Variants in GLIS3 observed in about 807,000 individuals in gnomAD.
GLIS3 encodes the protein GLIS family zinc finger 3.
In GLIS3, 53 loss-of-function variants were observed where a neutral mutation model predicts 78.6. The observed-to-expected ratio is 0.67, with a 90% CI of 0.54 to 0.85. GLIS3 has a LOEUF of 0.85. GLIS3 is among the 40% of genes least tolerant of loss of function. The probability of loss-of-function intolerance (pLI) is 0.00; values close to 1 mark genes in which losing one functional copy is unlikely to be tolerated. For missense variants in GLIS3, 1,703 were observed against 1,231.1 expected (o/e 1.38, Z -5.74); for synonymous variants, 684 against 509.9 (o/e 1.34, Z -4.60).
chr9:4,215,791 G>A (rs56937771), intron 2 of GLIS3, among the ~76,000 whole-genome samples: 2,515 of 152,226 alleles, frequency 0.017, 58 homozygotes, highest in African/African-American at 0.056. Context: ...AGCTTTCAAT[G>A]TTTGTCTTCT....
the GLIS3 span, among the ~76,000 whole-genome samples, chr9:4,368,587 G>A: frequency 1.3e-5 from 2 of 152,134 alleles, no homozygotes; most frequent in Non-Finnish European, 1.5e-5. Flanking sequence ...TCCTGACCTC[G>A]TGATCCACCC....
At chr9:4,425,066 G>C in the GLIS3 span, among the ~76,000 whole-genome samples, 9 of 152,056 alleles carry the variant, frequency 5.9e-5, no homozygotes, top group African/African-American at 2.2e-4. Flanking sequence ...TGGAAGCTGA[G>C]GAGTCATCCT....
chr9:4,457,360 C>CAAAAAAAAAAAAAAAAAAAAAA, the GLIS3 span, among the ~76,000 whole-genome samples: 3 of 125,698 alleles, frequency 2.4e-5, no homozygotes, highest in African/African-American at 9.0e-5. Context: ...GACCTTGTCT[C>CAAAAAAAAAAAAAAAAAAAAAA]AAAAAAAAAA....
chr9:4,331,116 T>C (rs571875548), intron 2 of GLIS3, among the ~76,000 whole-genome samples: 170 of 105,494 alleles, frequency 1.6e-3, no homozygotes, highest in Non-Finnish European at 2.8e-3. Context: ...ATGTATTCTG[T>C]TACAGTTCTA....
chr9:4,173,017 A>AT (rs988625456), intron 2 of GLIS3, among the ~76,000 whole-genome samples: 5 of 152,058 alleles, frequency 3.3e-5, no homozygotes, highest in African/African-American at 9.7e-5. Context: ...GTATTTATTT[A>AT]TTTTTTTAAC....
In GLIS3 at chr9:4,036,615, G is replaced by T. The variant is rs1217345897; in HGVS notation, c.1710+81153C>A. 2.0e-5 allele frequency among the ~76,000 whole-genome samples: 3 copies of T among 152,194 alleles called. No individual in the cohort carries two copies. In the East Asian group the frequency reaches 5.8e-4, roughly 29 times the overall value. ...CTAGAGGAAAAACAGAGAGGCTACT[G>T]TGAAGACCTGCAGCCTTAAGCCCTG... On this transcript the variant is annotated intron_variant, in intron 4 of 10. Transcript: ENST00000381971.
intron 2 of GLIS3, among the ~76,000 whole-genome samples, chr9:4,327,486 G>C (rs901160906): frequency 6.6e-6 from 1 of 152,172 alleles, no homozygotes; most frequent in African/African-American, 2.4e-5. Context: ...AAGTCCTGGA[G>C]CAGAGGAGAC....
intron 2 of GLIS3, among the ~76,000 whole-genome samples, chr9:4,314,455 A>G (rs1288021593): frequency 1.3e-5 from 2 of 152,222 alleles, no homozygotes; most frequent in Admixed American, 6.5e-5. Context: ...TGCATATACA[A>G]TGAAGTCAAT....
the GLIS3 span, among the ~76,000 whole-genome samples, chr9:4,468,826 A>G: frequency 6.6e-6 from 1 of 152,224 alleles, no homozygotes; most frequent in Non-Finnish European, 1.5e-5. Context: ...GCTCCAATTA[A>G]AAGACACAGA....
intron 2 of GLIS3, among the ~76,000 whole-genome samples, chr9:4,228,875 T>C (rs560978313): frequency 1.3e-5 from 2 of 152,328 alleles, no homozygotes; most frequent in South Asian, 2.1e-4. Context: ...TTTCAAAATC[T>C]ACCCACCAGA....
At chr9:4,291,029 A>G (rs1815927487) in intron 1 of GLIS3, among the ~76,000 whole-genome samples, 1 of 152,126 alleles carries the variant, frequency 6.6e-6, no homozygotes, top group African/African-American at 2.4e-5. Flanking sequence ...CCGAAGTTAC[A>G]CAGAAACAGA....
intron 4 of GLIS3, among the ~76,000 whole-genome samples, chr9:3,991,273 A>G (rs1229513870): frequency 6.6e-6 from 1 of 152,172 alleles, no homozygotes; most frequent in African/African-American, 2.4e-5. Context: ...ATTAAGACAA[A>G]TGTCCATTTT....
At chr9:4,028,046 A>G (rs1823496875) in intron 4 of GLIS3, among the ~76,000 whole-genome samples, 1 of 152,188 alleles carries the variant, frequency 6.6e-6, no homozygotes, top group Non-Finnish European at 1.5e-5. Context: ...CAGCGGCAGC[A>G]TAGTACTTAT....
At chr9:4,196,933 C>T (rs542194203) in intron 2 of GLIS3, among the ~76,000 whole-genome samples, 35 of 152,136 alleles carry the variant, frequency 2.3e-4, no homozygotes, top group Non-Finnish European at 4.0e-4. Context: ...GGGCCCTCTC[C>T]GCTCCACCCC....
intron 4 of GLIS3, among the ~76,000 whole-genome samples, chr9:4,090,345 C>T (rs553642381): frequency 4.6e-5 from 7 of 152,030 alleles, no homozygotes; most frequent in South Asian, 2.1e-4. Context: ...TCATTCATCT[C>T]GAGGATCTAA....
At chr9:4,367,633 C>CAAAAAA in the GLIS3 span, among the ~76,000 whole-genome samples, 13 of 61,946 alleles carry the variant, frequency 2.1e-4, no homozygotes, top group East Asian at 6.3e-4. Flanking sequence ...GACTCCATCT[C>CAAAAAA]AAAAAAAAAA....
At chr9:3,958,596 C>A (rs527775069) in intron 4 of GLIS3, among the ~76,000 whole-genome samples, 2 of 152,216 alleles carry the variant, frequency 1.3e-5, no homozygotes, top group African/African-American at 4.8e-5. Flanking sequence ...ACGTGTTGGG[C>A]TTCTACTCTG....
chr9:4,226,156 C>A (rs1348559604), intron 2 of GLIS3, among the ~76,000 whole-genome samples: 1 of 152,124 alleles, frequency 6.6e-6, no homozygotes, highest in Non-Finnish European at 1.5e-5. Flanking sequence ...ACAAAAGTGA[C>A]TCTTCTCAAC....
At position 4,118,949 on chromosome 9, in the gene GLIS3, G is replaced by C. The variant is rs909273633; in HGVS notation, c.597-68C>G. 61 of 1,499,888 alleles carry C rather than the reference G, an allele frequency of 4.1e-5. No homozygotes were observed. Among genetic ancestry groups the C allele is most frequent in the Middle Eastern group, 1.7e-4 (1 of 5,930 alleles). 92.9% of individuals were successfully genotyped at this position (1,499,888 alleles called of 1,614,324 possible). A position where few individuals can be genotyped will look rare whatever the true frequency, so the allele number is the denominator to read the frequency against. ...TTTTAGCAGGATACGGATTGCTTAA[G>C]AGCTAAAAGAACACTGCATTGACAA... is the stretch of plus-strand genomic sequence containing the variant. On this transcript the variant is annotated intron_variant, in intron 3 of 10. Transcript: ENST00000381971. The surrounding 1 kb of genome is among the most constrained non-coding windows in gnomAD (Gnocchi z 4.7).
Sources: gnomAD v4.1 joint callset for allele counts (sites outside exome capture counted in the v4.1 genomes callset) on GRCh38, gnomAD v4.1.1 for gene constraint, Gnocchi (gnomAD v3.1) non-coding constraint, MANE v1.5 for transcripts, NCBI Gene and HGNC (gene_info 2026-07-23, HGNC 2026-07-21) for gene names.